The following EGFR variants were observed in gnomAD, a reference collection of about 807,000 sequenced individuals.
EGFR encodes the protein epidermal growth factor receptor.
A neutral mutation model predicts 143.0 loss-of-function variants in EGFR; 58 were observed. That is an observed-to-expected ratio of 0.41 (90% CI 0.33 to 0.50). EGFR has a LOEUF of 0.50. Among genes scored for constraint, EGFR ranks in the 20% least tolerant of loss-of-function variants. The pLI is 0.39. For synonymous variants in EGFR, 613 were observed against 594.4 expected, an observed-to-expected ratio of 1.03 and a Z score of -0.45; for missense variants, 1,307 against 1,579.0, an observed-to-expected ratio of 0.83 and a Z score of 2.92.
intron 1 of EGFR, among the ~76,000 whole-genome samples, chr7:55,034,218 G>C (rs1371962014): frequency 6.6e-6 from 1 of 152,074 alleles, no homozygotes; most frequent in Non-Finnish European, 1.5e-5. Flanking sequence ...CTGCATTATT[G>C]TTTTTGTTTT....
At chr7:55,184,097 C>A (rs181060493) in intron 20 of EGFR, among the ~76,000 whole-genome samples, 2 of 152,230 alleles carry the variant, frequency 1.3e-5, no homozygotes, top group Non-Finnish European at 2.9e-5. Context: ...AACGGGGGCA[C>A]GTTGCTGGCC....
chr7:55,164,756 TG>T (rs1785884154), intron 14 of EGFR, among the ~76,000 whole-genome samples: 1 of 152,338 alleles, frequency 6.6e-6, no homozygotes, highest in African/African-American at 2.4e-5. Flanking sequence ...TGCTTTTATT[TG>T]AGTTTTGCAA....
intron 20 of EGFR, among the ~76,000 whole-genome samples, chr7:55,187,579 G>C (rs897336009): frequency 6.6e-6 from 1 of 152,186 alleles, no homozygotes; most frequent in Non-Finnish European, 1.5e-5. Context: ...TGCCTCTTCC[G>C]AGGTCTAGCA....
At chr7:55,051,050 C>T (rs1156899650) in intron 1 of EGFR, among the ~76,000 whole-genome samples, 5 of 152,168 alleles carry the variant, frequency 3.3e-5, no homozygotes, top group African/African-American at 1.2e-4. Flanking sequence ...TTCTGGGAAT[C>T]CTGGTCGGCA....
At chr7:55,058,994 A>T (rs959655037) in intron 1 of EGFR, among the ~76,000 whole-genome samples, 5 of 152,220 alleles carry the variant, frequency 3.3e-5, no homozygotes, top group African/African-American at 1.2e-4. Flanking sequence ...AATGGGGAAA[A>T]ATCTGAATTG....
intron 19 of EGFR, among the ~76,000 whole-genome samples, chr7:55,178,894 G>T (rs1349145242): frequency 6.6e-6 from 1 of 152,144 alleles, no homozygotes; most frequent in Non-Finnish European, 1.5e-5. Context: ...GACTTGCTTT[G>T]AGTCTTTGAC....
At chr7:55,123,927 G>A (rs371706081) in intron 1 of EGFR, among the ~76,000 whole-genome samples, 7 of 152,266 alleles carry the variant, frequency 4.6e-5, no homozygotes, top group East Asian at 1.9e-4. Flanking sequence ...GTGTGTATAC[G>A]TGTGTGGGCA....
chr7:55,124,779 C>T (rs562077707), intron 1 of EGFR, among the ~76,000 whole-genome samples: 11 of 152,340 alleles, frequency 7.2e-5, no homozygotes, highest in Non-Finnish European at 1.6e-4. Context: ...AGTCTATAAA[C>T]CTGAGCCTCC....
At chr7:55,181,499 C>T (rs201720393) in intron 20 of EGFR, 21 bp downstream of exon 20, 102 of 1,614,096 alleles carry the variant, frequency 6.3e-5, no homozygotes, top group Middle Eastern at 1.7e-4. Context: ...AAGGGAGATA[C>T]GGGGAGGGGA....
chr7:55,026,800 C>T (rs555121331), intron 1 of EGFR, among the ~76,000 whole-genome samples: 2 of 152,132 alleles, frequency 1.3e-5, no homozygotes, highest in Non-Finnish European at 2.9e-5. Flanking sequence ...TAAGAGAAAG[C>T]GCTCTTGACC....
chr7:55,181,548 T>A (rs2128959053), intron 20 of EGFR, 70 bp downstream of exon 20: 9 of 1,592,710 alleles, frequency 5.7e-6, no homozygotes, highest in Non-Finnish European at 7.7e-6. Flanking sequence ...TCTGCGCTCC[T>A]GGGATAGCAA....
chr7:55,021,273 C>T (rs1360962190), intron 1 of EGFR, among the ~76,000 whole-genome samples: 3 of 152,180 alleles, frequency 2.0e-5, no homozygotes, highest in Non-Finnish European at 4.4e-5. Context: ...GGGCCTGCTC[C>T]GGAGACTGCT....
intron 1 of EGFR, among the ~76,000 whole-genome samples, chr7:55,077,553 G>C (rs1227839810): frequency 4.6e-5 from 7 of 152,096 alleles, no homozygotes; most frequent in Admixed American, 4.6e-4. Context: ...ACACTTGCTG[G>C]TCTAATTCCT....
chr7:55,063,705 A>G (rs1158269085), intron 1 of EGFR, among the ~76,000 whole-genome samples: 1 of 152,200 alleles, frequency 6.6e-6, no homozygotes, highest in Non-Finnish European at 1.5e-5. Context: ...TGTCAACACT[A>G]GGTCTGCACC....
chr7:55,022,995 G>A (rs560982843), intron 1 of EGFR, among the ~76,000 whole-genome samples: 1 of 152,340 alleles, frequency 6.6e-6, no homozygotes, highest in East Asian at 1.9e-4. Context: ...CTAGCAGCTA[G>A]CATCTGAAAC....
chr7:55,202,941 ATG>A (rs912260314), intron 27 of EGFR: 350 of 610,508 alleles, frequency 5.7e-4, no homozygotes, highest in Middle Eastern at 1.7e-3. Flanking sequence ...ACATCTGTGT[ATG>A]TGTGTGTGTG....
intron 15 of EGFR, chr7:55,170,739 A>G (rs998654492): frequency 4.1e-6 from 6 of 1,477,224 alleles, no homozygotes; most frequent in Non-Finnish European, 5.4e-6. Flanking sequence ...TGATTGTTCA[A>G]AGCACAGAAT....
At chr7:55,097,838 G>T (rs1791570344) in intron 1 of EGFR, among the ~76,000 whole-genome samples, 1 of 151,666 alleles carries the variant, frequency 6.6e-6, no homozygotes, top group Admixed American at 6.6e-5. Flanking sequence ...AAAAAGAACT[G>T]GGCTTTATTG....
intron 15 of EGFR, among the ~76,000 whole-genome samples, chr7:55,168,827 G>A (rs1002795373): frequency 6.6e-6 from 1 of 152,174 alleles, no homozygotes. Context: ...GTGTTGATGA[G>A]AGGGAAAATT....
Sources: allele counts gnomAD v4.1 joint callset (sites outside exome capture counted in the v4.1 genomes callset), GRCh38; gene constraint gnomAD v4.1.1; transcripts MANE v1.5; gene names NCBI Gene and HGNC (gene_info 2026-07-23, HGNC 2026-07-21).